PKHD1L1: variants seen among roughly 807,000 people sequenced by gnomAD.
The protein encoded by PKHD1L1 is fibrocystin-L.
Under a neutral mutation model 462.9 loss-of-function variants are expected in PKHD1L1, and 434 were observed. The observed-to-expected ratio is 0.94, with a 90% CI of 0.87 to 1.02. The LOEUF (loss-of-function observed/expected upper bound fraction) is 1.02, where lower values mean the gene tolerates loss of function less well. PKHD1L1 is among the 50% of genes least tolerant of loss of function. The pLI, the probability that PKHD1L1 is intolerant of heterozygous loss-of-function variation, is 0.00. For synonymous variants in PKHD1L1, 1,781 were observed against 1,750.0 expected (o/e 1.02, Z -0.44); for missense variants, 5,202 against 5,096.1 (o/e 1.02, Z -0.63).
At chr8:109,365,928 C>T (rs1284570646) in intron 2 of PKHD1L1, among the ~76,000 whole-genome samples, 1 of 152,094 alleles carries the variant, frequency 6.6e-6, no homozygotes, top group African/African-American at 2.4e-5. Context: ...GAGCCGAGAT[C>T]GCGCCACTGT....
rs200816975 is a variant in PKHD1L1, at chr8:109,371,838, T to G, written c.163+7202T>G. ...TAGATATGCGGCATTATTTCTGAGG[T>G]CTCTCTTCTGTTCCATTGGTCTATA... On this transcript the variant is annotated intron_variant, in intron 2 of 77. Transcript: ENST00000378402. 5.4e-3 allele frequency among the ~76,000 whole-genome samples: 816 copies of G among 151,580 alleles called. 6 individuals are homozygous for G. The highest frequency in any genetic ancestry group is 0.041 in the Middle Eastern group (12 of 290).
chr8:109,451,779 GA>G (rs1200440119), intron 41 of PKHD1L1, among the ~76,000 whole-genome samples: 2 of 152,176 alleles, frequency 1.3e-5, no homozygotes, highest in Non-Finnish European at 2.9e-5. Context: ...CAAACATGAT[GA>G]AAATGTCACA....
rs1815735889 is a variant in PKHD1L1 at position 109,440,764 on chromosome 8, A to G, written c.4011A>G (p.Pro1337=). 2 of 1,613,172 alleles carry G rather than the reference A, an allele frequency of 1.2e-6. No individual in the cohort carries two copies. Among genetic ancestry groups the G allele is most frequent in the African/African-American group, 2.7e-5 (2 of 75,014 alleles). The change falls in exon 33 of 78, where the codon CCA becomes CCG. Residue 1337 remains proline (P), a synonymous_variant. Coordinates refer to ENST00000378402, the MANE Select transcript of PKHD1L1 (RefSeq NM_177531.6). Reference sequence around the variant, plus strand: ...TTTTAGAAGTGACCAGCATGTTTCCACAAAGAGGCTCCTTGTTTGGTGGAA... The same window carrying G: ...TTTTAGAAGTGACCAGCATGTTTCCGCAAAGAGGCTCCTTGTTTGGTGGAA... ...QYVLEVTSMF[P]QRGSLFGGTE...
intron 45 of PKHD1L1, among the ~76,000 whole-genome samples, chr8:109,455,808 C>G (rs1414880406): frequency 6.6e-6 from 1 of 152,080 alleles, no homozygotes; most frequent in African/African-American, 2.4e-5. Flanking sequence ...ATACCATAAA[C>G]ATGATACCTT....
intron 36 of PKHD1L1, 78 bp from the exon 37 acceptor site, chr8:109,443,598 A>T: frequency 9.0e-7 from 1 of 1,114,478 alleles, no homozygotes; most frequent in Non-Finnish European, 1.3e-6. Flanking sequence ...TCATCAAAAT[A>T]AAGAGTAACG....
intron 22 of PKHD1L1, 139 bp downstream of exon 22, chr8:109,419,399 T>G: frequency 1.6e-6 from 1 of 624,788 alleles, no homozygotes; most frequent in South Asian, 3.9e-5. Context: ...TGAATAATAT[T>G]ATGATTTTAT....
At position 109,412,279 on chromosome 8, in the gene PKHD1L1, A is replaced by G. The variant is rs1378386723; in HGVS notation, c.2100A>G (p.Arg700=). The change falls in exon 20 of 78, where the codon AGA becomes AGG. Residue 700 remains arginine, a synonymous_variant. Transcript: ENST00000378402. The stretch of plus-strand genomic sequence containing the variant: ...TGTTTCGGTAGGAACATATTAACAG[A>G]GGGCAGAAGACAGCTGAAACCGATG... ...ETDFNLEHIN[R]GQKTAETDAY... The G allele has an allele frequency of 6.2e-7, 1 of 1,613,112 alleles. No individual in the cohort carries two copies. Among genetic ancestry groups the G allele is most frequent in the Admixed American group, 1.7e-5 (1 of 59,794 alleles).
At chr8:109,489,884 A>T in intron 59 of PKHD1L1, 68 bp from the exon 60 acceptor site, 1 of 945,044 alleles carries the variant, frequency 1.1e-6, no homozygotes, top group Non-Finnish European at 1.7e-6. Flanking sequence ...AACTTTGTGT[A>T]GCTTTTCAAA....
At chr8:109,399,960 A>T in intron 12 of PKHD1L1, 116 bp from the exon 13 acceptor site, 1 of 1,108,050 alleles carries the variant, frequency 9.0e-7, no homozygotes, top group South Asian at 1.6e-5. Flanking sequence ...TTGTCTGCAC[A>T]CATACTAAAA....
chr8:109,386,590 T>A (rs74326072), intron 6 of PKHD1L1, among the ~76,000 whole-genome samples: 1 of 152,194 alleles, frequency 6.6e-6, no homozygotes, highest in African/African-American at 2.4e-5. Flanking sequence ...TTAAATCACA[T>A]TTGTATGCAT....
intron 67 of PKHD1L1, 27 bp downstream of exon 67, chr8:109,498,798 T>A: frequency 4.6e-6 from 7 of 1,519,046 alleles, no homozygotes; most frequent in Non-Finnish European, 6.3e-6. Flanking sequence ...TTACAAATCT[T>A]CTCAATTAAT....
At position 109,508,209 on chromosome 8, in the gene PKHD1L1, T is replaced by G; in HGVS notation, c.11340T>G (p.Thr3780=). The G allele has an allele frequency of 6.2e-7, 1 of 1,613,302 alleles. No homozygotes were observed. Among genetic ancestry groups the G allele is most frequent in the Middle Eastern group, 1.7e-4 (1 of 6,054 alleles). ...AAAGTCTGGATCCTGACACAGAAACTCGAAGACTTTCCCCAGTGGCTATAA... is the reference window on the plus strand; with the variant it reads ...AAAGTCTGGATCCTGACACAGAAACGCGAAGACTTTCCCCAGTGGCTATAA... The part of the protein sequence containing the change: ...VIESLDPDTE[T]RRLSPVAIMG... Residue 3780 remains threonine, a synonymous_variant, in exon 70 of 78, where the codon ACT becomes ACG. Transcript: ENST00000378402.
chr8:109,415,626 A>G (rs1814109009), intron 21 of PKHD1L1, among the ~76,000 whole-genome samples: 1 of 151,960 alleles, frequency 6.6e-6, no homozygotes, highest in Admixed American at 6.6e-5. Flanking sequence ...TTCCTGTGGA[A>G]CTGGAATGAT....
chr8:109,398,292 T>C (rs1813079538), intron 11 of PKHD1L1, among the ~76,000 whole-genome samples, 167 bp from the exon 12 acceptor site: 1 of 152,196 alleles, frequency 6.6e-6, no homozygotes, highest in African/African-American at 2.4e-5. Context: ...ATGACAATTA[T>C]TATGTGAAAA....
chr8:109,479,853 A>G, intron 54 of PKHD1L1, 138 bp from the exon 55 acceptor site: 2 of 941,286 alleles, frequency 2.1e-6, no homozygotes, highest in Non-Finnish European at 1.5e-6. Context: ...ATTTTCTGGG[A>G]GAGATAGGAA....
Position 109,532,174 on chromosome 8 carries a change from A to G in PKHD1L1, c.*2084A>G, listed in dbSNP as rs560950929. Among the ~76,000 whole-genome samples the G allele has an allele frequency of 6.6e-6, 1 of 152,352 alleles. No homozygotes were observed. The highest frequency in any genetic ancestry group is 2.1e-4 in the South Asian group (1 of 4,832). The stretch of plus-strand genomic sequence containing the variant: ...TCAAGATTTTTTCTGTCAGTTTTTA[A>G]TAAGGAAATTTTCTAATACAAGTTA... On this transcript the variant is annotated 3_prime_UTR_variant, in exon 78 of 78. Transcript: ENST00000378402.
chr8:109,490,161 C>G, intron 60 of PKHD1L1, 106 bp downstream of exon 60: 2 of 689,986 alleles, frequency 2.9e-6, no homozygotes, highest in South Asian at 5.1e-5. Context: ...AAATTATAAT[C>G]TAATATAATA....
chr8:109,504,989 T>C (rs1248468334), intron 68 of PKHD1L1, among the ~76,000 whole-genome samples: 4 of 152,070 alleles, frequency 2.6e-5, no homozygotes, highest in Non-Finnish European at 5.9e-5. Context: ...TACTTCCACC[T>C]CAGCCTCCCA....
chr8:109,475,409 T>C (rs1179470981), intron 51 of PKHD1L1, 140 bp downstream of exon 51: 2 of 744,518 alleles, frequency 2.7e-6, no homozygotes, highest in East Asian at 6.1e-5. Flanking sequence ...ACATTCTTTG[T>C]GAGCCACTCT....
Sources: allele counts gnomAD v4.1 joint callset (sites outside exome capture counted in the v4.1 genomes callset), GRCh38; gene constraint gnomAD v4.1.1; transcripts MANE v1.5; gene names NCBI Gene and HGNC (gene_info 2026-07-23, HGNC 2026-07-21).